SLC38A3: variants seen among roughly 807,000 people sequenced by gnomAD.
SLC38A3 encodes sodium-coupled neutral amino acid transporter 3.
SLC38A3 carries 17 observed loss-of-function variants against 59.5 expected under a neutral mutation model. That is an observed-to-expected ratio of 0.29 (90% CI 0.20 to 0.43). The LOEUF (loss-of-function observed/expected upper bound fraction) is 0.43. Among genes scored for constraint, SLC38A3 ranks in the 20% least tolerant of loss-of-function variants. The probability of loss-of-function intolerance (pLI) is 1.00; values close to 1 mark genes in which losing one functional copy is unlikely to be tolerated. For synonymous variants in SLC38A3, 238 were observed against 260.3 expected, an observed-to-expected ratio of 0.91 and a Z score of 0.82; for missense variants, 454 against 653.9, an observed-to-expected ratio of 0.69 and a Z score of 3.33.
rs1392068927 is a variant in SLC38A3, at chr3:50,215,700, G to T, written c.467-40G>T. ...ACAGCCCTGAAAGCTGGCTGGTTGG[G>T]CTGACCTCAGCGCCTGCCTGCCCGC... On this transcript the variant is annotated intron_variant, in intron 6 of 15. Coordinates refer to ENST00000614032, the MANE Select transcript of SLC38A3 (RefSeq NM_006841.6). This position sits in a 1 kb window ranked among gnomAD's most constrained non-coding sequence, Gnocchi z 7.1. 6.2e-7 allele frequency: 1 copy of T among 1,608,548 alleles called. No homozygotes were observed. Among genetic ancestry groups the T allele is most frequent in the East Asian group, 2.2e-5 (1 of 44,684 alleles).
chr3:50,215,553 C>G lies in SLC38A3; in HGVS notation c.383C>G (p.Ala128Gly). ...GACCCTGCTCCTGCAGGCATCCGTGCCTATGAGCAGCTGGGCTACCGTGCC... is the reference window on the plus strand; with the variant it reads ...GACCCTGCTCCTGCAGGCATCCGTGGCTATGAGCAGCTGGGCTACCGTGCC... ...LKSSGVVGIR[A>G]YEQLGYRAFG... Residue 128 changes from alanine to glycine, a missense_variant, in exon 6 of 16, where the codon GCC (alanine) becomes GGC (glycine). Physicochemically the swap from Ala to Gly is moderately conservative, Grantham distance 60. Coordinates refer to ENST00000614032, the MANE Select transcript of SLC38A3 (RefSeq NM_006841.6). The surrounding 1 kb of genome is among the most constrained non-coding windows in gnomAD (Gnocchi z 7.1). The G allele has an allele frequency of 6.2e-6, 10 of 1,613,890 alleles. No homozygotes were observed. The highest frequency in any genetic ancestry group is 8.5e-6 in the Non-Finnish European group (10 of 1,179,870).
Position 50,220,078 on chromosome 3 carries a change from G to A in SLC38A3, c.1416G>A (p.Leu472=). The change falls in exon 16 of 16, where the codon CTG becomes CTA. Residue 472 remains leucine (L), a synonymous_variant. Transcript: ENST00000614032. ...CCTGACTTCTGATTCCACAGGCCCTGTGTTTTGCTATGCTTGGCTTCTTGC... is the reference window on the plus strand; with the variant it reads ...CCTGACTTCTGATTCCACAGGCCCTATGTTTTGCTATGCTTGGCTTCTTGC... ...PARSTPKILA[L]CFAMLGFLLM... is the part of the protein sequence containing the mutation. The A allele has an allele frequency of 6.2e-7, 1 of 1,605,890 alleles. No individual in the cohort carries two copies. The highest frequency in any genetic ancestry group is 8.5e-7 in the Non-Finnish European group (1 of 1,175,678).
rs1169845057 is a variant in SLC38A3, at chr3:50,217,241, C to T, written c.552C>T (p.Asp184=). The T allele has an allele frequency of 3.7e-6, 6 of 1,611,660 alleles. No homozygotes were observed. Among genetic ancestry groups the T allele is most frequent in the Non-Finnish European group, 5.1e-6 (6 of 1,178,640 alleles). The change falls in exon 8 of 16, where the codon GAC becomes GAT. Residue 184 remains aspartate, a synonymous_variant. Transcript: ENST00000614032. The surrounding 1 kb of genome is among the most constrained non-coding windows in gnomAD (Gnocchi z 4.9). ...CTCCCGACTCATGTCCCTGCAGGGACTGGTACATGAACGGGAACTACCTGG... is the reference window on the plus strand; with the variant it reads ...CTCCCGACTCATGTCCCTGCAGGGATTGGTACATGAACGGGAACTACCTGG... The part of the protein sequence containing the change: ...TFLNLEEKTS[D]WYMNGNYLVI...
Position 50,218,250 on chromosome 3 carries a change from AC to A in SLC38A3, c.936-13del, listed in dbSNP as rs746379648. 76 of 1,037,854 alleles carry A rather than the reference AC, an allele frequency of 7.3e-5. No individual in the cohort carries two copies. The highest frequency in any genetic ancestry group is 1.1e-4 in the Non-Finnish European group (71 of 657,742). The allele number at this position is 1,037,854 out of a possible 1,614,324, so 64.3% of individuals were successfully genotyped here. A position where few individuals can be genotyped will look rare whatever the true frequency, so the allele number is the denominator to read the frequency against. The stretch of plus-strand genomic sequence containing the variant: ...GTTACCCAGCTTGTCACCAACACCC[AC>A]CCCCCCACTTCCCCACAGCCCCTCC... On this transcript the variant is annotated intron_variant, in intron 11 of 15. Transcript: ENST00000614032. This position sits in a 1 kb window ranked among gnomAD's most constrained non-coding sequence, Gnocchi z 5.8.
At position 50,217,720 on chromosome 3, in the gene SLC38A3, C is replaced by T. The variant is rs745515205; in HGVS notation, c.735C>T (p.Asn245=). ...ACGTGCCCTGCCCACTGCCCCCCAACTTCAACAACACCACAGGCAACTTCA... is the reference window on the plus strand; with the variant it reads ...ACGTGCCCTGCCCACTGCCCCCCAATTTCAACAACACCACAGGCAACTTCA... ...KFHVPCPLPP[N]FNNTTGNFSH... is the part of the protein sequence containing the mutation. Residue 245 remains asparagine, a synonymous_variant, in exon 10 of 16, where the codon AAC becomes AAT. Transcript: ENST00000614032. The surrounding 1 kb of genome is among the most constrained non-coding windows in gnomAD (Gnocchi z 4.9). The T allele has an allele frequency of 5.0e-6, 8 of 1,613,838 alleles. No individual in the cohort carries two copies. In the East Asian group the frequency reaches 8.9e-5, roughly 18 times the overall value.
In SLC38A3 at chr3:50,218,186, G is replaced by A; in HGVS notation, c.936-84G>A. The A allele has an allele frequency of 1.8e-6, 2 of 1,134,698 alleles. No homozygotes were observed. Among genetic ancestry groups the A allele is most frequent in the East Asian group, 4.7e-5 (2 of 42,444 alleles). The allele number at this position is 1,134,698 out of a possible 1,614,324, so 70.3% of individuals were successfully genotyped here. A position where few individuals can be genotyped will look rare whatever the true frequency, so the allele number is the denominator to read the frequency against. The stretch of plus-strand genomic sequence containing the variant: ...TCAGATGCTGAATGGTGAAAGTATG[G>A]TGCCAGAGAGAGCTTGGGGCACATG... On this transcript the variant is annotated intron_variant, in intron 11 of 15. Coordinates refer to ENST00000614032, the MANE Select transcript of SLC38A3 (RefSeq NM_006841.6). The surrounding 1 kb of genome is among the most constrained non-coding windows in gnomAD (Gnocchi z 5.8).
chr3:50,208,493 G>A (rs924696161), intron 1 of SLC38A3, among the ~76,000 whole-genome samples: 2 of 151,982 alleles, frequency 1.3e-5, no homozygotes, highest in African/African-American at 2.4e-5. Flanking sequence ...AAACTCCTGG[G>A]CTCAGGTGAT....
At chr3:50,219,796 G>A in intron 14 of SLC38A3, 85 bp from the exon 15 acceptor site, 1 of 1,119,290 alleles carries the variant, frequency 8.9e-7, no homozygotes, top group Non-Finnish European at 1.3e-6. Flanking sequence ...AACAAGGAGT[G>A]TTTGATCTCA....
In SLC38A3 at chr3:50,211,675, A is replaced by C. The variant is rs111410639; in HGVS notation, c.-51-2474A>C. On this transcript the variant is annotated intron_variant, in intron 1 of 15. Transcript: ENST00000614032. ...GCAATCTCAGCTCACTGCAACCTCC[A>C]CCTCCTGGGTTCAAGCAATTCTCCT... Among the ~76,000 whole-genome samples the C allele has an allele frequency of 3.5e-3, 468 of 133,352 alleles. 2 individuals are homozygous for C. The highest frequency in any genetic ancestry group is 0.013 in the African/African-American group (448 of 34,828). 87.5% of individuals were successfully genotyped at this position (133,352 alleles called of 152,430 possible). A position where few individuals can be genotyped will look rare whatever the true frequency, so the allele number is the denominator to read the frequency against.
chr3:50,214,558 C>A lies in SLC38A3; in HGVS notation c.183+75C>A. 1 of 1,474,128 alleles carries A rather than the reference C, an allele frequency of 6.8e-7. No individual in the cohort carries two copies. The highest frequency in any genetic ancestry group is 9.3e-7 in the Non-Finnish European group (1 of 1,074,530). 91.3% of individuals were successfully genotyped at this position (1,474,128 alleles called of 1,614,324 possible). On this transcript the variant is annotated intron_variant, in intron 3 of 15. Coordinates refer to ENST00000614032, the MANE Select transcript of SLC38A3 (RefSeq NM_006841.6). The surrounding 1 kb of genome is among the most constrained non-coding windows in gnomAD (Gnocchi z 6.0). ...GCAGTAATGAGGTGGTCTCTGGCAG[C>A]AGTGGGAGGCTGAGGGACAGTCAGG...
chr3:50,217,996 A>G lies in SLC38A3; in HGVS notation c.935A>G (p.Asp312Gly). The G allele has an allele frequency of 6.2e-7, 1 of 1,613,788 alleles. No homozygotes were observed. Among genetic ancestry groups the G allele is most frequent in the Non-Finnish European group, 8.5e-7 (1 of 1,179,806 alleles). ...EVLPIYTELKDPSKKKMQHIS... is the reference protein window; with the variant it reads ...EVLPIYTELKGPSKKKMQHIS... ...CTGCCCATCTATACTGAGCTCAAGG[A>G]GTAGGTGTCTGTGGCTGGGAGTGGG... Residue 312 changes from aspartate to glycine, a missense_variant and splice_region_variant, in exon 11 of 16, where the codon GAC becomes GGC. Around this residue, in one of 3 missense-constraint regions of SLC38A3, gnomAD observed 390 missense variants for 557.9 expected, o/e 0.70. Transcript: ENST00000614032. This position sits in a 1 kb window ranked among gnomAD's most constrained non-coding sequence, Gnocchi z 4.9.
rs1246874927 is a variant in SLC38A3, at chr3:50,217,067, C to G, written c.549-171C>G. On this transcript the variant is annotated intron_variant, in intron 7 of 15. Coordinates refer to ENST00000614032, the MANE Select transcript of SLC38A3 (RefSeq NM_006841.6). The surrounding 1 kb of genome is among the most constrained non-coding windows in gnomAD (Gnocchi z 4.9). ...GGATTACAGGCGTGAACCACCGCGCCCAGCTGGGCATGCCCATTTTGCAGA... is the reference window on the plus strand; with the variant it reads ...GGATTACAGGCGTGAACCACCGCGCGCAGCTGGGCATGCCCATTTTGCAGA... 6.6e-6 allele frequency among the ~76,000 whole-genome samples: 1 copy of G among 152,242 alleles called. No homozygotes were observed. The highest frequency in any genetic ancestry group is 1.5e-5 in the Non-Finnish European group (1 of 68,056).
intron 1 of SLC38A3, among the ~76,000 whole-genome samples, chr3:50,206,426 C>T (rs1414701663): frequency 6.6e-6 from 1 of 152,246 alleles, no homozygotes; most frequent in Admixed American, 6.5e-5. Flanking sequence ...GGACCTTTCA[C>T]CCCTTCCTGT....
In SLC38A3 at chr3:50,219,974, C is replaced by A; in HGVS notation, c.1400C>A (p.Pro467His). ...GAGAAGGAGCCTGCAAGATCCACCC[C>A]CAAAATCCTGGTGCGAGGGGCCTGG... ...PTEKEPARSTPKILALCFAML... is the reference protein window; with the variant it reads ...PTEKEPARSTHKILALCFAML... Residue 467 changes from proline (P) to histidine (H), a missense_variant, in exon 15 of 16, where the codon CCC (proline) becomes CAC (histidine). Pro to His is a moderately conservative substitution (Grantham distance 77, BLOSUM62 -2). This residue lies in a region of SLC38A3 where 59 missense variants were observed against 70.8 expected (regional missense o/e 0.83). Transcript: ENST00000614032. 6.2e-6 allele frequency: 10 copies of A among 1,612,350 alleles called. No individual in the cohort carries two copies. The highest frequency in any genetic ancestry group is 8.5e-6 in the Non-Finnish European group (10 of 1,179,212).
chr3:50,219,441 A>G (rs1699866505), intron 14 of SLC38A3, among the ~76,000 whole-genome samples: 1 of 152,224 alleles, frequency 6.6e-6, no homozygotes. Context: ...CTCTGCCAGG[A>G]CTGACAAACA....
rs778276104 is a variant in SLC38A3, at chr3:50,215,834, G to A, written c.548+13G>A. On this transcript the variant is annotated intron_variant, in intron 7 of 15. Coordinates refer to ENST00000614032, the MANE Select transcript of SLC38A3 (RefSeq NM_006841.6). This position sits in a 1 kb window ranked among gnomAD's most constrained non-coding sequence, Gnocchi z 7.1. ...AGGAGAAAACCTCGTGAGCCCTGGC[G>A]TGGGGAGGGGAGGGGAGGGGTGCGG... The A allele has an allele frequency of 1.2e-5, 19 of 1,531,150 alleles. No individual in the cohort carries two copies. The highest frequency in any genetic ancestry group is 3.4e-4 in the Middle Eastern group (2 of 5,852). 94.8% of individuals were successfully genotyped at this position (1,531,150 alleles called of 1,614,324 possible).
At chr3:50,209,150 G>T (rs1393675360) in intron 1 of SLC38A3, among the ~76,000 whole-genome samples, 4 of 152,256 alleles carry the variant, frequency 2.6e-5, no homozygotes, top group Non-Finnish European at 5.9e-5. Context: ...CTTTGCCTCA[G>T]CTGGGCCTCC....
chr3:50,217,196 T>C lies in SLC38A3; in HGVS notation c.549-42T>C. ...GGGAGGCAGGGGCCCCATCCCAGGC[T>C]GAATGGATTCTGACCCTGGCTCCCG... On this transcript the variant is annotated intron_variant, in intron 7 of 15. Coordinates refer to ENST00000614032, the MANE Select transcript of SLC38A3 (RefSeq NM_006841.6). This position sits in a 1 kb window ranked among gnomAD's most constrained non-coding sequence, Gnocchi z 4.9. The C allele has an allele frequency of 6.7e-7, 1 of 1,490,924 alleles. No homozygotes were observed. The highest frequency in any genetic ancestry group is 9.3e-7 in the Non-Finnish European group (1 of 1,080,432). 92.4% of individuals were successfully genotyped at this position (1,490,924 alleles called of 1,614,324 possible). A position where few individuals can be genotyped will look rare whatever the true frequency, so the allele number is the denominator to read the frequency against.
Position 50,205,332 on chromosome 3 carries a change from C to T in SLC38A3, c.-68C>T, listed in dbSNP as rs118160556. Reference sequence around the variant, plus strand: ...CGGCCCGAGCGGAGCGCCGCACGTTCCCAACCGCGAGGCCAGGTACCGCTT... The same window carrying T: ...CGGCCCGAGCGGAGCGCCGCACGTTTCCAACCGCGAGGCCAGGTACCGCTT... On this transcript the variant is annotated 5_prime_UTR_variant, in exon 1 of 16. Coordinates refer to ENST00000614032, the MANE Select transcript of SLC38A3 (RefSeq NM_006841.6). The T allele has an allele frequency of 6.6e-6, 1 of 152,098 alleles. No individual in the cohort carries two copies. Among genetic ancestry groups the T allele is most frequent in the East Asian group, 1.9e-4 (1 of 5,152 alleles). The allele number at this position is 152,098 out of a possible 1,614,324, so 9.4% of individuals were successfully genotyped here.
Sources: allele counts gnomAD v4.1 joint callset (sites outside exome capture counted in the v4.1 genomes callset), GRCh38; gene constraint gnomAD v4.1.1; regional missense constraint gnomAD v4.1.1; non-coding constraint Gnocchi (gnomAD v3.1); transcripts MANE v1.5; gene names NCBI Gene and HGNC (gene_info 2026-07-23, HGNC 2026-07-21).